BICRA: variants seen among roughly 807,000 people sequenced by gnomAD.
The protein encoded by BICRA is BRD4 interacting chromatin remodeling complex associated protein, also known as BRD4-interacting chromatin-remodeling complex-associated protein.
A neutral mutation model predicts 96.9 loss-of-function variants in BICRA; 31 were observed. That is an observed-to-expected ratio of 0.32 (90% CI 0.24 to 0.43). The LOEUF is 0.43. Among genes scored for constraint, BICRA ranks in the 20% least tolerant of loss-of-function variants. BICRA has a pLI of 1.00. For synonymous variants in BICRA, 1,350 were observed against 1,071.8 expected, an observed-to-expected ratio of 1.26 and a Z score of -5.07; for missense variants, 2,283 against 2,190.3, an observed-to-expected ratio of 1.04 and a Z score of -0.84.
chr19:47,685,786 T>TGTGTGTGTGTGTGTGCGCGCGC, intron 7 of BICRA, among the ~76,000 whole-genome samples: 8 of 117,968 alleles, frequency 6.8e-5, no homozygotes, highest in South Asian at 3.0e-4. Context: ...TGTGTGTGTG[T>TGTGTGTGTGTGTGTGCGCGCGC]GCGCGCGCGC....
intron 7 of BICRA, among the ~76,000 whole-genome samples, chr19:47,688,329 T>G (rs1973189620): frequency 6.6e-6 from 1 of 152,096 alleles, no homozygotes; most frequent in Non-Finnish European, 1.5e-5. Context: ...ATATGTTAGT[T>G]TTTTTGCTTT....
At chr19:47,669,908 G>A (rs1228551364) in intron 1 of BICRA, among the ~76,000 whole-genome samples, 1 of 150,692 alleles carries the variant, frequency 6.6e-6, no homozygotes, top group African/African-American at 2.4e-5. Context: ...CACCTGTCTC[G>A]GCCTCCCAAA....
At chr19:47,657,255 G>A (rs1405180617) in intron 1 of BICRA, among the ~76,000 whole-genome samples, 1 of 152,184 alleles carries the variant, frequency 6.6e-6, no homozygotes, top group Admixed American at 6.5e-5. Flanking sequence ...AGACCCATTT[G>A]TATTGTTGCT....
chr19:47,666,526 C>G (rs1026654119), intron 1 of BICRA, among the ~76,000 whole-genome samples: 1 of 152,024 alleles, frequency 6.6e-6, no homozygotes, highest in Admixed American at 6.6e-5. Flanking sequence ...ATCCTCCCAC[C>G]CCGCCCTCCC....
chr19:47,680,303 T>G lies in BICRA; in HGVS notation c.1133T>G (p.Leu378Arg), dbSNP rs1973018000. 3 of 1,553,172 alleles carry G rather than the reference T, an allele frequency of 1.9e-6. No individual in the cohort carries two copies. The East Asian group carries it at 7.3e-5, about 38-fold the overall frequency. ...CCGTTTGCGCCCGCGGGCGCCACGC[T>G]CACCATCCAGGGCGAGCCGGGGGCG... ...PKPFAPAGAT[L>R]TIQGEPGALP... Residue 378 changes from leucine to arginine, a missense_variant, in exon 6 of 15, where the codon CTC becomes CGC. Transcript: ENST00000594866.
chr19:47,692,503 T>C (rs1973256415), intron 7 of BICRA, among the ~76,000 whole-genome samples: 1 of 152,198 alleles, frequency 6.6e-6, no homozygotes, highest in Non-Finnish European at 1.5e-5. Context: ...GTGCTGGGAT[T>C]ACAGGCGTGA....
chr19:47,608,819 C>T (rs1036613676), upstream of BICRA, among the ~76,000 whole-genome samples: 57 of 149,216 alleles, frequency 3.8e-4, no homozygotes, highest in Non-Finnish European at 6.7e-4. Context: ...GCCCCTCCTC[C>T]GGCGAGGGCG....
chr19:47,637,606 A>G (rs963420938), intron 1 of BICRA, among the ~76,000 whole-genome samples: 18 of 152,130 alleles, frequency 1.2e-4, no homozygotes, highest in African/African-American at 3.9e-4. Context: ...TAGTATCTCC[A>G]CAGAGTTGTG....
chr19:47,674,803 C>T (rs780619531), intron 4 of BICRA, among the ~76,000 whole-genome samples: 2 of 152,130 alleles, frequency 1.3e-5, no homozygotes, highest in East Asian at 1.9e-4. Context: ...ACGAGTGATC[C>T]GAGAGAGGAC....
Position 47,681,040 on chromosome 19 carries a change from G to GC in BICRA, c.1876dup (p.Gln626ProfsTer48). The stretch of plus-strand genomic sequence containing the variant: ...CGCGCCTGTCCTCACGGTGCAGCCT[G>GC]CCCCCCAGGCGCCCCCCGCGGTCAG... On this transcript the variant is annotated frameshift_variant, in exon 6 of 15. Coordinates refer to ENST00000594866, the MANE Select transcript of BICRA (RefSeq NM_001394372.1). LOFTEE classifies it high-confidence loss of function. 6 of 1,416,942 alleles carry GC rather than the reference G, an allele frequency of 4.2e-6. No homozygotes were observed. The highest frequency in any genetic ancestry group is 1.5e-5 in the African/African-American group (1 of 65,616). The allele number at this position is 1,416,942 out of a possible 1,614,324, so 87.8% of individuals were successfully genotyped here.
At chr19:47,645,344 A>G (rs1456133485) in intron 1 of BICRA, among the ~76,000 whole-genome samples, 1 of 152,156 alleles carries the variant, frequency 6.6e-6, no homozygotes, top group African/African-American at 2.4e-5. Context: ...CAGGCTACGC[A>G]TCGCTGGTTG....
At chr19:47,674,305 TCACC>T (rs879536782) in intron 4 of BICRA, among the ~76,000 whole-genome samples, 37,572 of 151,806 alleles carry the variant, frequency 0.25, 5,117 homozygotes, top group East Asian at 0.4. Context: ...TAGGTAAAAG[TCACC>T]AGGTTGTGTA....
At chr19:47,657,992 A>C (rs1258986797) in intron 1 of BICRA, among the ~76,000 whole-genome samples, 3 of 151,622 alleles carry the variant, frequency 2.0e-5, no homozygotes, top group Non-Finnish European at 4.4e-5. Context: ...CCTTCCCCTC[A>C]GGAATGCATA....
intron 1 of BICRA, among the ~76,000 whole-genome samples, chr19:47,669,724 T>G (rs1972834699): frequency 6.7e-6 from 1 of 149,878 alleles, no homozygotes; most frequent in South Asian, 2.1e-4. Flanking sequence ...TGGCACGATC[T>G]TGGCTCGCTG....
chr19:47,653,203 A>G (rs1218617543), intron 1 of BICRA, among the ~76,000 whole-genome samples: 1 of 151,540 alleles, frequency 6.6e-6, no homozygotes, highest in Non-Finnish European at 1.5e-5. Context: ...TTTGTATTTT[A>G]GTAGAGATGG....
chr19:47,629,482 C>T (rs1033752439), intron 1 of BICRA, among the ~76,000 whole-genome samples: 1 of 152,148 alleles, frequency 6.6e-6, no homozygotes, highest in African/African-American at 2.4e-5. Context: ...AAGGCTTATT[C>T]GTGGTGTGGC....
intron 1 of BICRA, among the ~76,000 whole-genome samples, chr19:47,646,047 A>G (rs987954219): frequency 1.3e-5 from 2 of 152,192 alleles, no homozygotes; most frequent in African/African-American, 4.8e-5. Flanking sequence ...GCAGTGAGCC[A>G]TGATTGTGCC....
At chr19:47,636,646 T>G (rs1972304366) in intron 1 of BICRA, among the ~76,000 whole-genome samples, 1 of 152,192 alleles carries the variant, frequency 6.6e-6, no homozygotes, top group South Asian at 2.1e-4. Context: ...TGGCTAGGAT[T>G]ATAGGCGTGC....
chr19:47,702,853 T>G lies in BICRA; in HGVS notation c.*438T>G. On this transcript the variant is annotated 3_prime_UTR_variant, in exon 15 of 15. Coordinates refer to ENST00000594866, the MANE Select transcript of BICRA (RefSeq NM_001394372.1). ...AGGGTCCTTCCAGACAGTCTCAGCC[T>G]CTCCCCGCCGCCCCCAACAGGCTGT... 5.9e-6 allele frequency: 1 copy of G among 170,514 alleles called. No homozygotes were observed. The highest frequency in any genetic ancestry group is 1.2e-5 in the Non-Finnish European group (1 of 80,960). 10.6% of individuals were successfully genotyped at this position (170,514 alleles called of 1,614,324 possible). A position where few individuals can be genotyped will look rare whatever the true frequency, so the allele number is the denominator to read the frequency against.
Sources: allele counts gnomAD v4.1 joint callset (sites outside exome capture counted in the v4.1 genomes callset), GRCh38; gene constraint gnomAD v4.1.1; transcripts MANE v1.5; gene names NCBI Gene and HGNC (gene_info 2026-07-23, HGNC 2026-07-21).